KCNH5: variants seen among roughly 807,000 people sequenced by gnomAD.
KCNH5 encodes voltage-gated delayed rectifier potassium channel KCNH5.
A neutral mutation model predicts 96.1 loss-of-function variants in KCNH5; 46 were observed. That is an observed-to-expected ratio of 0.48 (90% CI 0.38 to 0.61). The LOEUF is 0.61. Ranked by LOEUF, KCNH5 falls within the 20% of genes least tolerant of loss-of-function variation. KCNH5 has a pLI of 0.00. For missense variants in KCNH5, 907 were observed against 1,225.8 expected, an observed-to-expected ratio of 0.74 and a Z score of 3.88; for synonymous variants, 439 against 449.8, an observed-to-expected ratio of 0.98 and a Z score of 0.30.
chr14:62,832,991 T>C (rs1260655429), intron 8 of KCNH5, among the ~76,000 whole-genome samples: 1 of 151,788 alleles, frequency 6.6e-6, no homozygotes, highest in Admixed American at 6.6e-5. Flanking sequence ...ATTGAATTGA[T>C]AGAGTTTCTT....
chr14:62,953,268 C>T (rs937041693), intron 6 of KCNH5, among the ~76,000 whole-genome samples: 2 of 152,054 alleles, frequency 1.3e-5, no homozygotes, highest in African/African-American at 4.8e-5. Context: ...AGCCAACCCT[C>T]CAACTGACGC....
At chr14:63,029,255 C>G (rs1490905887) in intron 1 of KCNH5, among the ~76,000 whole-genome samples, 1 of 145,354 alleles carries the variant, frequency 6.9e-6, no homozygotes, top group Admixed American at 6.8e-5. Context: ...GGAGCCCTGA[C>G]TCAAATATTC....
At chr14:62,941,868 C>T (rs1042983855) in intron 7 of KCNH5, among the ~76,000 whole-genome samples, 1 of 152,148 alleles carries the variant, frequency 6.6e-6, no homozygotes, top group African/African-American at 2.4e-5. Flanking sequence ...GGTCGAGTAC[C>T]TCTCCAAGTC....
intron 8 of KCNH5, among the ~76,000 whole-genome samples, chr14:62,825,389 G>A (rs558979422): frequency 6.6e-5 from 10 of 152,186 alleles, no homozygotes; most frequent in Admixed American, 3.9e-4. Context: ...GATAAGGGAT[G>A]TGGAGTATTT....
At chr14:62,936,579 A>C (rs1595691472) in intron 7 of KCNH5, among the ~76,000 whole-genome samples, 1 of 150,864 alleles carries the variant, frequency 6.6e-6, no homozygotes, top group Non-Finnish European at 1.5e-5. Flanking sequence ...GGAGGCTGAG[A>C]CATGAGAATT....
At chr14:62,851,787 A>T (rs1018106672) in intron 7 of KCNH5, among the ~76,000 whole-genome samples, 1 of 152,136 alleles carries the variant, frequency 6.6e-6, no homozygotes, top group African/African-American at 2.4e-5. Context: ...TTATTTTGAC[A>T]TGTTTAACTT....
chr14:62,988,103 G>A (rs1659429670), intron 4 of KCNH5, among the ~76,000 whole-genome samples: 1 of 152,100 alleles, frequency 6.6e-6, no homozygotes, highest in South Asian at 2.1e-4. Context: ...TTCTTCTGGG[G>A]CCTCAAATTG....
chr14:62,886,150 AC>A (rs1313233976), intron 7 of KCNH5, among the ~76,000 whole-genome samples: 1 of 146,164 alleles, frequency 6.8e-6, no homozygotes, highest in East Asian at 1.9e-4. Flanking sequence ...ACACACACAC[AC>A]ACACACACAA....
At position 62,900,402 on chromosome 14, in the gene KCNH5, A is replaced by C. The variant is rs143651369; in HGVS notation, c.1369+49731T>G. Among the ~76,000 whole-genome samples, 499 of 152,360 alleles carry C rather than the reference A, an allele frequency of 3.3e-3. 10 individuals carry two copies. The highest frequency in any genetic ancestry group is 0.011 in the African/African-American group (470 of 41,578). Reference sequence around the variant, plus strand: ...TTTATATATACTTTTATGTGTATGCACAAGAAGAATATATGGCAAAATTAT... The same window carrying C: ...TTTATATATACTTTTATGTGTATGCCCAAGAAGAATATATGGCAAAATTAT... On this transcript the variant is annotated intron_variant, in intron 7 of 10. Transcript: ENST00000322893.
At chr14:62,891,275 G>A (rs1050317992) in intron 7 of KCNH5, among the ~76,000 whole-genome samples, 1 of 152,140 alleles carries the variant, frequency 6.6e-6, no homozygotes, top group Non-Finnish European at 1.5e-5. Context: ...TGGAGCTAGA[G>A]GCTATTATCC....
chr14:62,853,456 CATATATATAT>C (rs61444088), intron 7 of KCNH5, among the ~76,000 whole-genome samples: 1 of 93,306 alleles, frequency 1.1e-5, no homozygotes, highest in Non-Finnish European at 2.0e-5. Context: ...AAAGAATAAT[CATATATATAT>C]ATATATATAT....
At chr14:62,931,238 G>A (rs1024314653) in intron 7 of KCNH5, among the ~76,000 whole-genome samples, 1 of 152,138 alleles carries the variant, frequency 6.6e-6, no homozygotes, top group Non-Finnish European at 1.5e-5. Flanking sequence ...GATGGATTTA[G>A]CAAGGTTGGG....
At chr14:62,932,146 G>A (rs1170833766) in intron 7 of KCNH5, among the ~76,000 whole-genome samples, 2 of 152,080 alleles carry the variant, frequency 1.3e-5, no homozygotes, top group Admixed American at 6.6e-5. Context: ...CCAGGATTCC[G>A]AGGCATCTGC....
chr14:62,962,932 T>C (rs1890239828), intron 6 of KCNH5, among the ~76,000 whole-genome samples: 1 of 152,164 alleles, frequency 6.6e-6, no homozygotes, highest in African/African-American at 2.4e-5. Flanking sequence ...GCTCCTGACA[T>C]TCAACCATTA....
chr14:62,981,186 A>G lies in KCNH5; in HGVS notation c.628T>C (p.Tyr210His), dbSNP rs1890599126. 2 of 1,614,076 alleles carry G rather than the reference A, an allele frequency of 1.2e-6. No homozygotes were observed. The highest frequency in any genetic ancestry group is 1.7e-6 in the Non-Finnish European group (2 of 1,179,930). Residue 210 changes from tyrosine (Y) to histidine (H), a missense_variant, in exon 6 of 11, where the codon TAT becomes CAT. Around this residue, in one of 6 missense-constraint regions of KCNH5, gnomAD observed 370 missense variants for 561.3 expected, o/e 0.66. Transcript: ENST00000322893. Reference protein sequence around the residue: ...PKTPPHIILHYCAFKTTWDWV... With the variant: ...PKTPPHIILHHCAFKTTWDWV... ...TCCCAAGTAGTTTTAAAAGCACAATAATGTAAAATAATGTGTGGTGGCGTC... is the reference window on the plus strand; with the variant it reads ...TCCCAAGTAGTTTTAAAAGCACAATGATGTAAAATAATGTGTGGTGGCGTC...
intron 4 of KCNH5, 129 bp from the exon 5 acceptor site, chr14:62,987,316 G>A: frequency 1.5e-6 from 1 of 666,916 alleles, no homozygotes; most frequent in Non-Finnish European, 2.6e-6. Flanking sequence ...TCAAACAAAA[G>A]TATTTTCTTT....
chr14:62,925,210 G>A (rs923504129), intron 7 of KCNH5, among the ~76,000 whole-genome samples: 4 of 151,790 alleles, frequency 2.6e-5, no homozygotes, highest in South Asian at 4.2e-4. Flanking sequence ...TAAGACTAAG[G>A]GAGAGAATAC....
intron 9 of KCNH5, among the ~76,000 whole-genome samples, chr14:62,801,499 ATTTTTT>A (rs35409070): frequency 4.6e-5 from 5 of 108,858 alleles, no homozygotes; most frequent in Admixed American, 1.1e-4. Flanking sequence ...TCATTTGGCA[ATTTTTT>A]TTTTTTTTTT....
chr14:62,819,036 A>G (rs1005960764), intron 8 of KCNH5, among the ~76,000 whole-genome samples: 1 of 152,216 alleles, frequency 6.6e-6, no homozygotes, highest in Non-Finnish European at 1.5e-5. Context: ...GCACAATCTC[A>G]GCTCACTGAA....
Sources: gnomAD v4.1 joint callset for allele counts (sites outside exome capture counted in the v4.1 genomes callset) on GRCh38, gnomAD v4.1.1 for gene constraint, gnomAD v4.1.1 regional missense constraint, MANE v1.5 for transcripts, NCBI Gene and HGNC (gene_info 2026-07-23, HGNC 2026-07-21) for gene names.